The following FAM184A variants were observed in gnomAD, a reference collection of about 807,000 sequenced individuals.
The protein encoded by FAM184A is family with sequence similarity 184 member A.
A neutral mutation model predicts 143.8 loss-of-function variants in FAM184A; 99 were observed. The ratio of observed to expected loss-of-function variants is 0.69; its 90% confidence interval spans 0.58 to 0.81. The LOEUF (loss-of-function observed/expected upper bound fraction) is 0.81, where lower values mean the gene tolerates loss of function less well. Among genes scored for constraint, FAM184A ranks in the 40% least tolerant of loss-of-function variants. The pLI, the probability that FAM184A is intolerant of heterozygous loss-of-function variation, is 0.00. For synonymous variants in FAM184A, 427 were observed against 446.4 expected, an observed-to-expected ratio of 0.96 and a Z score of 0.55; for missense variants, 1,217 against 1,310.5, an observed-to-expected ratio of 0.93 and a Z score of 1.10.
At chr6:118,992,810 G>A (rs1784421045) in intron 9 of FAM184A, among the ~76,000 whole-genome samples, 1 of 152,140 alleles carries the variant, frequency 6.6e-6, no homozygotes, top group African/African-American at 2.4e-5. Flanking sequence ...TGTACCTGTA[G>A]TGCCAGCTAC....
At chr6:119,031,634 A>T (rs1188359302) in intron 1 of FAM184A, 2 of 152,268 alleles carry the variant, frequency 1.3e-5, no homozygotes, top group African/African-American at 2.4e-5. Context: ...CTCATTAGTC[A>T]TAAGATAAAT....
intron 6 of FAM184A, among the ~76,000 whole-genome samples, chr6:119,007,809 C>T (rs889506777): frequency 2.0e-5 from 3 of 151,906 alleles, no homozygotes; most frequent in Non-Finnish European, 2.9e-5. Context: ...GGTGTGGTGG[C>T]GCGCGACTGT....
At chr6:119,110,676 T>A (rs990349148) in intron 1 of FAM184A, among the ~76,000 whole-genome samples, 1 of 152,192 alleles carries the variant, frequency 6.6e-6, no homozygotes, top group Non-Finnish European at 1.5e-5. Context: ...GCTGAGACAT[T>A]TCAGGCAAGA....
intron 9 of FAM184A, among the ~76,000 whole-genome samples, chr6:118,997,023 C>T (rs1254045297): frequency 1.1e-5 from 1 of 86,962 alleles, no homozygotes; most frequent in Non-Finnish European, 2.4e-5. Context: ...CAGACCCAAA[C>T]AGGAAGAGAT....
In FAM184A at chr6:119,024,006, ATT is replaced by A. The variant is rs747749950; in HGVS notation, c.965_966del (p.Lys322MetfsTer23). The A allele has an allele frequency of 1.9e-6, 3 of 1,608,182 alleles. No individual in the cohort carries two copies. Among genetic ancestry groups the A allele is most frequent in the Non-Finnish European group, 2.5e-6 (3 of 1,178,484 alleles). ...GCAAGTGCCGTCTGAAGCTTTTGGC[ATT>A]TGTCAAGAAGACTTCCAGCTTCATC... ...VQDEAGSLLD[K>X]CQKLQTALAI... On this transcript the variant is annotated frameshift_variant, in exon 2 of 18. Coordinates refer to ENST00000338891, the MANE Select transcript of FAM184A (RefSeq NM_024581.6). LOFTEE classifies it high-confidence loss of function.
chr6:119,133,179 C>T (rs1179394158), intron 1 of FAM184A, among the ~76,000 whole-genome samples: 1 of 152,144 alleles, frequency 6.6e-6, no homozygotes, highest in Non-Finnish European at 1.5e-5. Flanking sequence ...GAAAGCTTGA[C>T]AAAGTGTTTG....
intron 1 of FAM184A, among the ~76,000 whole-genome samples, chr6:119,053,190 T>C (rs1265537691): frequency 6.6e-6 from 1 of 152,152 alleles, no homozygotes; most frequent in Non-Finnish European, 1.5e-5. Context: ...GCTTGAAAGT[T>C]AGGGGAGAGG....
At chr6:119,018,259 G>T (rs1369637303) in intron 4 of FAM184A, among the ~76,000 whole-genome samples, 2 of 152,134 alleles carry the variant, frequency 1.3e-5, no homozygotes, top group Non-Finnish European at 2.9e-5. Context: ...ATCAGGGAAG[G>T]CTTTTCAGAA....
intron 17 of FAM184A, among the ~76,000 whole-genome samples, chr6:118,960,465 A>T (rs1783285442): frequency 6.6e-6 from 1 of 152,238 alleles, no homozygotes; most frequent in Non-Finnish European, 1.5e-5. Flanking sequence ...TTCTTTGAAT[A>T]AAAAATTCAG....
chr6:119,037,682 T>G (rs1296465145), intron 1 of FAM184A, among the ~76,000 whole-genome samples: 1 of 152,240 alleles, frequency 6.6e-6, no homozygotes, highest in South Asian at 2.1e-4. Context: ...TAACTTAATT[T>G]AGAATACGTA....
intron 9 of FAM184A, among the ~76,000 whole-genome samples, chr6:119,001,109 A>G (rs1052029361): frequency 4.0e-5 from 6 of 148,612 alleles, no homozygotes; most frequent in African/African-American, 1.5e-4. Flanking sequence ...CACTGGTCCT[A>G]CTATAATTTT....
At position 119,078,328 on chromosome 6, in the gene FAM184A, T is replaced by A; in HGVS notation, c.-29A>T. On this transcript the variant is annotated 5_prime_UTR_variant, in exon 1 of 18. Coordinates refer to ENST00000338891, the MANE Select transcript of FAM184A (RefSeq NM_024581.6). This position sits in a 1 kb window ranked among gnomAD's most constrained non-coding sequence, Gnocchi z 5.5. The stretch of plus-strand genomic sequence containing the variant: ...CCCAACAGACCCCAGCCGGGGCACC[T>A]GTCCCCGCGGGTGGAGGCAGGCCCG... 1 of 1,423,300 alleles carries A rather than the reference T, an allele frequency of 7.0e-7. No individual in the cohort carries two copies. Among genetic ancestry groups the A allele is most frequent in the Non-Finnish European group, 9.1e-7 (1 of 1,093,758 alleles). The allele number at this position is 1,423,300 out of a possible 1,614,324, so 88.2% of individuals were successfully genotyped here. A position where few individuals can be genotyped will look rare whatever the true frequency, so the allele number is the denominator to read the frequency against.
intron 1 of FAM184A, among the ~76,000 whole-genome samples, chr6:119,088,723 A>G (rs1350126715): frequency 6.6e-6 from 1 of 152,234 alleles, no homozygotes; most frequent in Non-Finnish European, 1.5e-5. Flanking sequence ...ATCTAAGGCC[A>G]TAGAGCAAGG....
At chr6:118,965,796 T>C (rs1413038249) in intron 15 of FAM184A, among the ~76,000 whole-genome samples, 1 of 152,218 alleles carries the variant, frequency 6.6e-6, no homozygotes, top group African/African-American at 2.4e-5. Flanking sequence ...CAAAATACAA[T>C]TATAACACCT....
intron 1 of FAM184A, among the ~76,000 whole-genome samples, chr6:119,052,705 G>A (rs182119716): frequency 3.0e-4 from 45 of 152,276 alleles, no homozygotes; most frequent in African/African-American, 1.1e-3. Flanking sequence ...TTCACCAAAT[G>A]AATCAACAAC....
Position 119,009,643 on chromosome 6 carries a change from T to G in FAM184A, c.1653+1666A>C, listed in dbSNP as rs368284247. ...TGGTATTCTTACAATTCCTAGAAAT[T>G]TCTCATGCCTCAGAGCGTTTGCATA... On this transcript the variant is annotated intron_variant, in intron 6 of 17. Coordinates refer to ENST00000338891, the MANE Select transcript of FAM184A (RefSeq NM_024581.6). 5 of 152,376 alleles carry G rather than the reference T, an allele frequency of 3.3e-5. No individual in the cohort carries two copies. The East Asian group carries it at 7.7e-4, about 23-fold the overall frequency. The allele number at this position is 152,376 out of a possible 1,614,324, so 9.4% of individuals were successfully genotyped here.
At chr6:119,102,784 C>CAAAAAAAAAAAAAAA (rs58686018) in intron 1 of FAM184A, among the ~76,000 whole-genome samples, 14 of 30,114 alleles carry the variant, frequency 4.6e-4, no homozygotes, top group African/African-American at 1.1e-3. Flanking sequence ...GACTCCATCT[C>CAAAAAAAAAAAAAAA]AAAAAAAAAA....
At chr6:119,077,748 C>T (rs985893199) in intron 1 of FAM184A, among the ~76,000 whole-genome samples, 1 of 152,210 alleles carries the variant, frequency 6.6e-6, no homozygotes, top group Admixed American at 6.5e-5. Flanking sequence ...AATTCCGAGT[C>T]ATATTAGGTA....
rs550540808 is a variant in FAM184A, at chr6:119,110,445, G to A, written c.-202+38633C>T. 4.2e-4 allele frequency among the ~76,000 whole-genome samples: 64 copies of A among 152,180 alleles called. 1 individual carries two copies. Among genetic ancestry groups the A allele is most frequent in the Non-Finnish European group, 6.0e-4 (41 of 68,008 alleles). ...AAGAACTGTGGCATACCCTCATCTC[G>A]GCTGCAAGAGAGGTGAGGCAATGGA... On this transcript the variant is annotated intron_variant, in intron 1 of 16. Coordinates refer to the FAM184A transcript ENST00000352896.
Sources: gnomAD v4.1 joint callset for allele counts (sites outside exome capture counted in the v4.1 genomes callset) on GRCh38, gnomAD v4.1.1 for gene constraint, Gnocchi (gnomAD v3.1) non-coding constraint, MANE v1.5 for transcripts, NCBI Gene and HGNC (gene_info 2026-07-23, HGNC 2026-07-21) for gene names.